Variants in MIS18A observed in about 807,000 individuals in gnomAD.
MIS18A encodes the protein MIS18 kinetochore protein A.
Under a neutral mutation model 25.0 loss-of-function variants are expected in MIS18A, and 14 were observed. The observed-to-expected ratio is 0.56, with a 90% confidence interval of 0.37 to 0.88. The LOEUF is 0.88. Ranked by LOEUF, MIS18A falls within the 40% of genes least tolerant of loss-of-function variation. The pLI is 0.00. For missense variants in MIS18A, 292 were observed against 290.8 expected (o/e 1.00, Z -0.03); for synonymous variants, 134 against 118.6 (o/e 1.13, Z -0.84).
chr21:32,251,779 G>A, the MIS18A span, among the ~76,000 whole-genome samples: 5 of 152,198 alleles, frequency 3.3e-5, no homozygotes, highest in South Asian at 4.1e-4. Context: ...TCTAATTACC[G>A]AAGGTGGGAG....
downstream of MIS18A, among the ~76,000 whole-genome samples, chr21:32,265,928 A>G (rs2031590238): frequency 6.6e-6 from 1 of 151,884 alleles, no homozygotes; most frequent in Non-Finnish European, 1.5e-5. Context: ...TCTGGTGAGG[A>G]CATGGAGAGT....
the MIS18A span, among the ~76,000 whole-genome samples, chr21:32,257,533 A>G: frequency 6.6e-6 from 1 of 152,158 alleles, no homozygotes; most frequent in Non-Finnish European, 1.5e-5. Context: ...TCAGATTACA[A>G]ATGCCTTAGA....
the MIS18A span, among the ~76,000 whole-genome samples, chr21:32,208,086 G>A: frequency 6.6e-6 from 1 of 152,194 alleles, no homozygotes; most frequent in African/African-American, 2.4e-5. Context: ...CATTAGTCAA[G>A]CTTTAGTGTA....
chr21:32,246,959 C>CA, the MIS18A span, among the ~76,000 whole-genome samples: 2 of 151,864 alleles, frequency 1.3e-5, no homozygotes, highest in East Asian at 1.9e-4. Context: ...TGCTTCTGAC[C>CA]AAAAAAAATT....
the MIS18A span, among the ~76,000 whole-genome samples, chr21:32,191,540 T>A: frequency 1.3e-5 from 2 of 152,086 alleles, no homozygotes; most frequent in African/African-American, 2.4e-5. Flanking sequence ...TACAGTGAGT[T>A]ATGACCCATT....
downstream of MIS18A, among the ~76,000 whole-genome samples, chr21:32,263,302 G>C (rs1243675234): frequency 1.3e-5 from 2 of 152,164 alleles, no homozygotes; most frequent in Non-Finnish European, 2.9e-5. Flanking sequence ...AATCCCTAAA[G>C]TCTTAGAATG....
At chr21:32,217,103 T>C in the MIS18A span, among the ~76,000 whole-genome samples, 16,010 of 151,958 alleles carry the variant, frequency 0.11, 966 homozygotes, top group South Asian at 0.18. Context: ...AAACAAAAAG[T>C]ATGACCCATA....
chr21:32,198,218 G>C, the MIS18A span, among the ~76,000 whole-genome samples: 2 of 152,226 alleles, frequency 1.3e-5, no homozygotes, highest in Non-Finnish European at 2.9e-5. Flanking sequence ...GAAGGAAAGA[G>C]GGCCTGGGAA....
the MIS18A span, among the ~76,000 whole-genome samples, chr21:32,155,005 G>C: frequency 1.3e-5 from 2 of 152,152 alleles, no homozygotes; most frequent in Non-Finnish European, 2.9e-5. Context: ...ACAGCAATTA[G>C]CTATACAAAA....
At chr21:32,265,421 T>C (rs544853554), downstream of MIS18A, among the ~76,000 whole-genome samples, 141 of 152,306 alleles carry the variant, frequency 9.3e-4, 3 homozygotes, top group South Asian at 0.012. Flanking sequence ...GCCCCGCACT[T>C]GGAGCAGCCA....
In MIS18A at chr21:32,278,746, CGCCGGCA is replaced by C; in HGVS notation, c.262_268del (p.Cys88GlyfsTer7). ...CCAGCTCAGCGAGTCGCCCAGCGGC[CGCCGGCA>C]GCCGGAGCACAGGAACACCAGCGGC... On this transcript the variant is annotated frameshift_variant, in exon 1 of 5. Coordinates refer to ENST00000290130, the MANE Select transcript of MIS18A (RefSeq NM_018944.3). LOFTEE classifies it high-confidence loss of function. The C allele has an allele frequency of 5.1e-6, 8 of 1,577,206 alleles. No individual in the cohort carries two copies. The highest frequency in any genetic ancestry group is 6.9e-6 in the Non-Finnish European group (8 of 1,167,810).
the MIS18A span, among the ~76,000 whole-genome samples, chr21:32,222,713 C>T: frequency 9.2e-5 from 14 of 151,736 alleles, no homozygotes; most frequent in South Asian, 4.2e-4. Context: ...GGGCGGGTCA[C>T]GAGGTCAGGA....
the MIS18A span, among the ~76,000 whole-genome samples, chr21:32,243,672 T>G: frequency 1.3e-5 from 2 of 152,122 alleles, no homozygotes; most frequent in Admixed American, 6.5e-5. Flanking sequence ...CCAAGAGAAA[T>G]GTGAGCCTGT....
chr21:32,174,289 C>T, the MIS18A span, among the ~76,000 whole-genome samples: 9 of 151,980 alleles, frequency 5.9e-5, no homozygotes, highest in Admixed American at 6.6e-5. Context: ...TGTCAGACTG[C>T]GTTTTTAAAA....
chr21:32,190,264 T>G, the MIS18A span, among the ~76,000 whole-genome samples: 4,791 of 152,270 alleles, frequency 0.031, 252 homozygotes, highest in African/African-American at 0.11. Context: ...ATGATTATAC[T>G]AGCTGCATGC....
the MIS18A span, among the ~76,000 whole-genome samples, chr21:32,251,684 A>G: frequency 1.1e-4 from 16 of 152,240 alleles, no homozygotes; most frequent in African/African-American, 3.9e-4. Flanking sequence ...TGAAAAGATG[A>G]ATCACCAAAC....
At chr21:32,169,943 G>A in the MIS18A span, among the ~76,000 whole-genome samples, 1 of 152,072 alleles carries the variant, frequency 6.6e-6, no homozygotes, top group Non-Finnish European at 1.5e-5. Flanking sequence ...TATTTTTAAT[G>A]TCCAGTATTC....
the MIS18A span, among the ~76,000 whole-genome samples, chr21:32,215,577 G>A: frequency 2.6e-5 from 4 of 152,104 alleles, no homozygotes; most frequent in South Asian, 2.1e-4. Context: ...TGACAAGCTG[G>A]TATCCATCTC....
chr21:32,154,742 A>G, the MIS18A span, among the ~76,000 whole-genome samples: 1 of 151,890 alleles, frequency 6.6e-6, no homozygotes. Flanking sequence ...GAGAAGTTAT[A>G]TAATTCTACA....
Sources: allele counts gnomAD v4.1 joint callset (sites outside exome capture counted in the v4.1 genomes callset), GRCh38; gene constraint gnomAD v4.1.1; transcripts MANE v1.5; gene names NCBI Gene and HGNC (gene_info 2026-07-23, HGNC 2026-07-21).